DLG5: variants seen among roughly 807,000 people sequenced by gnomAD.
DLG5 encodes the protein discs large MAGUK scaffold protein 5.
DLG5 carries 48 observed loss-of-function variants against 189.8 expected under a neutral mutation model. The ratio of observed to expected loss-of-function variants is 0.25; its 90% CI spans 0.20 to 0.32. The LOEUF is 0.32. Among genes scored for constraint, DLG5 ranks in the 10% least tolerant of loss-of-function variants. The pLI is 1.00. For synonymous variants in DLG5, 1,016 were observed against 1,054.1 expected (o/e 0.96, Z 0.70); for missense variants, 2,160 against 2,544.7 (o/e 0.85, Z 3.25).
intron 1 of DLG5, among the ~76,000 whole-genome samples, chr10:77,906,974 C>T (rs979706283): frequency 1.3e-5 from 2 of 152,078 alleles, no homozygotes; most frequent in African/African-American, 4.8e-5. Context: ...CTATTGATGA[C>T]TTACCTGCAG....
intron 17 of DLG5, 41 bp from the exon 18 acceptor site, chr10:77,817,930 A>C: frequency 1.3e-6 from 2 of 1,506,512 alleles, no homozygotes; most frequent in Non-Finnish European, 1.8e-6. Flanking sequence ...GAGGAGAACC[A>C]GGAACAGATG....
the DLG5 span, among the ~76,000 whole-genome samples, chr10:77,932,219 GT>G: frequency 6.6e-6 from 1 of 152,214 alleles, no homozygotes; most frequent in Non-Finnish European, 1.5e-5. Context: ...GTAGCAACAG[GT>G]TTTGAACAGA....
In DLG5 at chr10:77,796,038, C is replaced by A. The variant is rs370490530; in HGVS notation, c.5436+23G>T. ...GGAGGTCTAATACTGGATGCCTAAT[C>A]CTCAGACTGAAGCCCTGGGTACCTT... On this transcript the variant is annotated intron_variant, in intron 29 of 31. Coordinates refer to ENST00000372391, the MANE Select transcript of DLG5 (RefSeq NM_004747.4). This position sits in a 1 kb window ranked among gnomAD's most constrained non-coding sequence, Gnocchi z 5.2. 183 of 1,614,118 alleles carry A rather than the reference C, an allele frequency of 1.1e-4. No individual in the cohort carries two copies. The African/African-American group carries it at 2.3e-3, about 20-fold the overall frequency.
At chr10:77,915,093 C>A (rs1481483127) in intron 1 of DLG5, among the ~76,000 whole-genome samples, 1 of 152,122 alleles carries the variant, frequency 6.6e-6, no homozygotes, top group Non-Finnish European at 1.5e-5. Context: ...CTTTGGGAGG[C>A]TAAGGTAGGT....
intron 1 of DLG5, among the ~76,000 whole-genome samples, chr10:77,894,543 C>CT (rs35379334): frequency 0.54 from 51,897 of 95,918 alleles, 14,999 homozygotes; most frequent in Admixed American, 0.62. Flanking sequence ...AAGAATAAAG[C>CT]TTTTTTTTTT....
intron 1 of DLG5, among the ~76,000 whole-genome samples, chr10:77,874,196 G>A (rs1845013144): frequency 6.6e-6 from 1 of 152,246 alleles, no homozygotes; most frequent in Admixed American, 6.5e-5. Context: ...TTCAGAAGAA[G>A]GCCCTTCTCT....
At chr10:77,810,533 G>A (rs149941189) in intron 23 of DLG5, among the ~76,000 whole-genome samples, 1 of 152,370 alleles carries the variant, frequency 6.6e-6, no homozygotes, top group Non-Finnish European at 1.5e-5. Flanking sequence ...CTCCCATGGA[G>A]CTCCTTCCTC....
chr10:77,851,351 C>T (rs1296654833), intron 5 of DLG5, among the ~76,000 whole-genome samples: 1 of 152,202 alleles, frequency 6.6e-6, no homozygotes, highest in Non-Finnish European at 1.5e-5. Context: ...GGGTTGTGGG[C>T]AGTACTGACC....
chr10:77,829,593 C>G (rs1842805126), intron 11 of DLG5, 63 bp from the exon 12 acceptor site: 1 of 1,525,394 alleles, frequency 6.6e-7, no homozygotes, highest in South Asian at 1.3e-5. Context: ...CTACCGCCCA[C>G]AACTCTCACT....
intron 20 of DLG5, among the ~76,000 whole-genome samples, chr10:77,814,999 C>T (rs1343511363): frequency 6.6e-6 from 1 of 152,156 alleles, no homozygotes; most frequent in Non-Finnish European, 1.5e-5. Context: ...CATCTCCAAT[C>T]GGATCCTAAC....
At chr10:77,880,029 A>G (rs895163789) in intron 1 of DLG5, among the ~76,000 whole-genome samples, 21 of 152,190 alleles carry the variant, frequency 1.4e-4, no homozygotes, top group African/African-American at 5.1e-4. Context: ...AGGAGTACAG[A>G]CAGCAAGGGC....
At chr10:77,921,757 G>A (rs1846541870) in intron 1 of DLG5, among the ~76,000 whole-genome samples, 1 of 152,218 alleles carries the variant, frequency 6.6e-6, no homozygotes, top group Non-Finnish European at 1.5e-5. Context: ...AGCGGACGCT[G>A]CTGGCTCCAT....
chr10:77,808,512 T>C (rs1841591575), intron 24 of DLG5, among the ~76,000 whole-genome samples: 1 of 152,176 alleles, frequency 6.6e-6, no homozygotes, highest in African/African-American at 2.4e-5. Flanking sequence ...GCTCAACTAA[T>C]TCTCCCACCT....
chr10:77,855,067 A>G (rs998733188), intron 3 of DLG5, among the ~76,000 whole-genome samples: 12 of 152,248 alleles, frequency 7.9e-5, no homozygotes, highest in African/African-American at 2.9e-4. Context: ...CTTTAGAACA[A>G]TGACTCTCAA....
At chr10:77,894,543 CTTTTTTTTTTTT>C (rs35379334) in intron 1 of DLG5, among the ~76,000 whole-genome samples, 2 of 95,922 alleles carry the variant, frequency 2.1e-5, no homozygotes, top group African/African-American at 4.2e-5. Context: ...AAGAATAAAG[CTTTTTTTTTTTT>C]TTTTTTTTTG....
chr10:77,907,653 C>T (rs1317696358), intron 1 of DLG5, among the ~76,000 whole-genome samples: 1 of 152,198 alleles, frequency 6.6e-6, no homozygotes, highest in Non-Finnish European at 1.5e-5. Flanking sequence ...TCAACACTTA[C>T]TAACTTATTT....
chr10:77,815,149 G>C (rs996632700), intron 20 of DLG5, among the ~76,000 whole-genome samples: 5 of 152,144 alleles, frequency 3.3e-5, no homozygotes, highest in African/African-American at 1.2e-4. Flanking sequence ...ACTTCACTTG[G>C]GGAAGGTCCC....
chr10:77,842,640 C>T lies in DLG5; in HGVS notation c.1125-447G>A, dbSNP rs145288990. ...AGAGCACAGCTCTGTCCTTCCAGGCCGGGGGACATCTTCCACACAGGCAGC... is the reference window on the plus strand; with the variant it reads ...AGAGCACAGCTCTGTCCTTCCAGGCTGGGGGACATCTTCCACACAGGCAGC... On this transcript the variant is annotated intron_variant, in intron 6 of 31. Transcript: ENST00000372391. Among the ~76,000 whole-genome samples the T allele has an allele frequency of 3.0e-3, 460 of 152,298 alleles. 2 individuals carry two copies. Among genetic ancestry groups the T allele is most frequent in the African/African-American group, 0.011 (441 of 41,566 alleles).
At chr10:77,896,481 A>G (rs1423511136) in intron 1 of DLG5, among the ~76,000 whole-genome samples, 2 of 152,200 alleles carry the variant, frequency 1.3e-5, no homozygotes, top group African/African-American at 2.4e-5. Flanking sequence ...GATGTCCACA[A>G]CTTTTTTCCA....
Sources: gnomAD v4.1 joint callset for allele counts (sites outside exome capture counted in the v4.1 genomes callset) on GRCh38, gnomAD v4.1.1 for gene constraint, Gnocchi (gnomAD v3.1) non-coding constraint, MANE v1.5 for transcripts, NCBI Gene and HGNC (gene_info 2026-07-23, HGNC 2026-07-21) for gene names.